Variants in UNC5C observed in about 807,000 individuals in gnomAD.
UNC5C encodes the protein unc-5 netrin receptor C, also known as netrin receptor UNC5C.
In UNC5C, 47 loss-of-function variants were observed where a neutral mutation model predicts 99.8. The observed-to-expected ratio is 0.47, with a 90% CI of 0.37 to 0.60. The LOEUF is 0.60. UNC5C is among the 20% of genes least tolerant of loss of function. The probability of loss-of-function intolerance (pLI) is 0.00; values close to 1 mark genes in which losing one functional copy is unlikely to be tolerated. For synonymous variants in UNC5C, 487 were observed against 452.2 expected (o/e 1.08, Z -0.98); for missense variants, 1,062 against 1,165.9 (o/e 0.91, Z 1.30).
At chr4:95,171,058 G>A (rs10212627) in intron 14 of UNC5C, among the ~76,000 whole-genome samples, 65,659 of 152,006 alleles carry the variant, frequency 0.43, 16,640 homozygotes, top group Admixed American at 0.58. Context: ...TCATAAAACA[G>A]CACAAATGCA....
At chr4:95,304,581 T>C (rs1330819140) in intron 2 of UNC5C, among the ~76,000 whole-genome samples, 3 of 151,688 alleles carry the variant, frequency 2.0e-5, no homozygotes, top group Admixed American at 1.3e-4. Context: ...TCTCTTTTTT[T>C]CCCCCTACTC....
chr4:95,229,074 G>A (rs993033338), intron 7 of UNC5C, among the ~76,000 whole-genome samples: 1 of 151,622 alleles, frequency 6.6e-6, no homozygotes, highest in Non-Finnish European at 1.5e-5. Flanking sequence ...GATGCCATGT[G>A]GAAAAAAGGA....
intron 6 of UNC5C, 28 bp from the exon 7 acceptor site, chr4:95,242,621 T>A (rs1739368309): frequency 6.6e-7 from 1 of 1,524,322 alleles, no homozygotes; most frequent in Non-Finnish European, 8.8e-7. Context: ...CAGCAGGAGG[T>A]CAGAGGGAGA....
rs1579360563 is a variant in UNC5C at position 95,365,294 on chromosome 4, T to C, written c.125-29663A>G. Among the ~76,000 whole-genome samples, 7 of 49,714 alleles carry C rather than the reference T, an allele frequency of 1.4e-4. No homozygotes were observed. In the South Asian group the frequency reaches 3.5e-3, roughly 25 times the overall value. 32.6% of individuals were successfully genotyped at this position (49,714 alleles called of 152,430 possible). On this transcript the variant is annotated intron_variant, in intron 1 of 15. Coordinates refer to ENST00000453304, the MANE Select transcript of UNC5C (RefSeq NM_003728.4). ...CTGGGCAACAGAACAAGAATCTGTCTCAAAAAAAAAAAAAAAAGAAAAGAA... is the reference window on the plus strand; with the variant it reads ...CTGGGCAACAGAACAAGAATCTGTCCCAAAAAAAAAAAAAAAAGAAAAGAA...
intron 3 of UNC5C, among the ~76,000 whole-genome samples, chr4:95,282,304 G>A (rs562670324): frequency 9.7e-4 from 147 of 152,306 alleles, no homozygotes; most frequent in Non-Finnish European, 1.8e-3. Context: ...GGACTCAGAA[G>A]TACTCATAGG....
chr4:95,532,277 T>G (rs1722666554), intron 1 of UNC5C, among the ~76,000 whole-genome samples: 1 of 152,074 alleles, frequency 6.6e-6, no homozygotes, highest in African/African-American at 2.4e-5. Flanking sequence ...CCTGAGATAG[T>G]CTTGATTTCC....
chr4:95,479,364 G>GAT (rs1721063995), intron 1 of UNC5C, among the ~76,000 whole-genome samples: 2 of 151,910 alleles, frequency 1.3e-5, no homozygotes, highest in South Asian at 4.1e-4. Context: ...TAGACCATTG[G>GAT]ATAGATCCCT....
intron 2 of UNC5C, among the ~76,000 whole-genome samples, chr4:95,330,861 G>A (rs1290638009): frequency 6.6e-6 from 1 of 151,846 alleles, no homozygotes; most frequent in African/African-American, 2.4e-5. Flanking sequence ...ATAATTTGTT[G>A]CATGAATAGA....
intron 1 of UNC5C, among the ~76,000 whole-genome samples, chr4:95,482,675 A>C (rs1165728465): frequency 7.4e-6 from 1 of 134,624 alleles, no homozygotes; most frequent in African/African-American, 2.8e-5. Flanking sequence ...AATACTATGC[A>C]GCCATAAAAA....
intron 1 of UNC5C, among the ~76,000 whole-genome samples, chr4:95,402,405 G>A (rs545414910): frequency 6.6e-6 from 1 of 152,130 alleles, no homozygotes; most frequent in Non-Finnish European, 1.5e-5. Flanking sequence ...TTCTCTCAGG[G>A]ACTTATTTTG....
At chr4:95,515,976 T>A (rs1722207857) in intron 1 of UNC5C, among the ~76,000 whole-genome samples, 1 of 152,342 alleles carries the variant, frequency 6.6e-6, no homozygotes, top group South Asian at 2.1e-4. Context: ...TGTGCATGTA[T>A]GTATGAATAT....
At chr4:95,400,248 C>G (rs533858448) in intron 1 of UNC5C, among the ~76,000 whole-genome samples, 1 of 152,218 alleles carries the variant, frequency 6.6e-6, no homozygotes, top group African/African-American at 2.4e-5. Context: ...TTATACCTTG[C>G]TGGCTTTGAA....
intron 1 of UNC5C, among the ~76,000 whole-genome samples, chr4:95,349,961 C>T (rs1207254782): frequency 1.3e-5 from 2 of 151,996 alleles, no homozygotes; most frequent in Non-Finnish European, 2.9e-5. Context: ...GGAAGCCACA[C>T]TTTATATTTC....
At position 95,202,939 on chromosome 4, in the gene UNC5C, T is replaced by A. The variant is rs1195412727; in HGVS notation, c.1928A>T (p.Asn643Ile). ...WEDVVVVGEE[N>I]FTTPCYIQLD... is the part of the protein sequence containing the mutation. ...CTGAATGTAGCAGGGGGTGGTGAAG[T>A]TTTCCTCCCCGACCACCACCACATC... is the stretch of plus-strand genomic sequence containing the variant. Residue 643 changes from asparagine to isoleucine, a missense_variant, in exon 12 of 16, where the codon AAC (asparagine) becomes ATC (isoleucine). This residue lies in a region of UNC5C where 810 missense variants were observed against 854.5 expected (regional missense o/e 0.95). Coordinates refer to ENST00000453304, the MANE Select transcript of UNC5C (RefSeq NM_003728.4). 9 of 1,613,866 alleles carry A rather than the reference T, an allele frequency of 5.6e-6. No homozygotes were observed. The highest frequency in any genetic ancestry group is 7.6e-6 in the Non-Finnish European group (9 of 1,179,988).
At chr4:95,245,810 G>A (rs762004886) in intron 5 of UNC5C, among the ~76,000 whole-genome samples, 15 of 152,258 alleles carry the variant, frequency 9.9e-5, no homozygotes, top group Non-Finnish European at 1.6e-4. Flanking sequence ...AACCTACACC[G>A]TAAGACTGCA....
intron 14 of UNC5C, among the ~76,000 whole-genome samples, chr4:95,177,216 A>G (rs10017546): frequency 0.9 from 136,456 of 152,216 alleles, 61,620 homozygotes; most frequent in Middle Eastern, 0.98. Flanking sequence ...CGTCGCTCAC[A>G]CTGGGAGCTG....
At chr4:95,178,673 A>AAGTT (rs1356196380) in intron 14 of UNC5C, among the ~76,000 whole-genome samples, 1 of 152,208 alleles carries the variant, frequency 6.6e-6, no homozygotes, top group Non-Finnish European at 1.5e-5. Context: ...CTAAATGTGG[A>AAGTT]AGTTAAATCC....
At chr4:95,541,911 C>T (rs1722931022) in intron 1 of UNC5C, among the ~76,000 whole-genome samples, 1 of 152,092 alleles carries the variant, frequency 6.6e-6, no homozygotes, top group Non-Finnish European at 1.5e-5. Context: ...CTGAGAAATA[C>T]TAGCATGCAT....
At chr4:95,185,348 C>G (rs1487945152) in intron 12 of UNC5C, 152 bp from the exon 13 acceptor site, 5 of 801,190 alleles carry the variant, frequency 6.2e-6, no homozygotes, top group Non-Finnish European at 9.8e-6. Flanking sequence ...TCGAGACCCT[C>G]TAACTAAACT....
Sources: gnomAD v4.1 joint callset for allele counts (sites outside exome capture counted in the v4.1 genomes callset) on GRCh38, gnomAD v4.1.1 for gene constraint, gnomAD v4.1.1 regional missense constraint, MANE v1.5 for transcripts, NCBI Gene and HGNC (gene_info 2026-07-23, HGNC 2026-07-21) for gene names.